Variants in MARCHF11 observed in about 807,000 individuals in gnomAD.
MARCHF11 encodes the protein E3 ubiquitin-protein ligase MARCHF11.
Under a neutral mutation model 37.3 loss-of-function variants are expected in MARCHF11, and 29 were observed. The observed-to-expected ratio is 0.78, with a 90% confidence interval of 0.58 to 1.06. The LOEUF (loss-of-function observed/expected upper bound fraction) is 1.06. MARCHF11 is among the 50% of genes least tolerant of loss of function. The probability of loss-of-function intolerance (pLI) is 0.00; values close to 1 mark genes in which losing one functional copy is unlikely to be tolerated. For missense variants in MARCHF11, 482 were observed against 533.4 expected (o/e 0.90, Z 0.95); for synonymous variants, 233 against 228.0 (o/e 1.02, Z -0.20).
intron 2 of MARCHF11, among the ~76,000 whole-genome samples, chr5:16,115,017 G>A (rs1174402569): frequency 2.0e-5 from 3 of 152,010 alleles, no homozygotes; most frequent in Non-Finnish European, 4.4e-5. Flanking sequence ...GTGTCAGGCT[G>A]CTACGATTAT....
At chr5:16,170,867 C>G in intron 2 of MARCHF11, among the ~76,000 whole-genome samples, 1 of 152,096 alleles carries the variant, frequency 6.6e-6, no homozygotes, top group East Asian at 1.9e-4. Flanking sequence ...TACTGCACTG[C>G]AGACAGCCTG....
chr5:16,137,053 A>T (rs1447707855), intron 2 of MARCHF11, among the ~76,000 whole-genome samples: 1 of 152,232 alleles, frequency 6.6e-6, no homozygotes, highest in Non-Finnish European at 1.5e-5. Flanking sequence ...AACAAATAAC[A>T]TAAAATATGG....
chr5:16,156,244 T>C (rs761969960), intron 2 of MARCHF11, among the ~76,000 whole-genome samples: 2 of 151,952 alleles, frequency 1.3e-5, no homozygotes, highest in Non-Finnish European at 2.9e-5. Flanking sequence ...GAAATTCCAC[T>C]GTTAGACTCT....
intron 2 of MARCHF11, among the ~76,000 whole-genome samples, chr5:16,167,080 A>G (rs1043103606): frequency 1.4e-4 from 21 of 150,306 alleles, no homozygotes; most frequent in African/African-American, 5.3e-4. Context: ...TACTGAATGC[A>G]TATCACTTTC....
At chr5:16,098,383 T>A (rs776536821) in intron 2 of MARCHF11, among the ~76,000 whole-genome samples, 2 of 152,202 alleles carry the variant, frequency 1.3e-5, no homozygotes, top group Non-Finnish European at 2.9e-5. Context: ...GTCTCTCTTT[T>A]TAGATAGCAT....
chr5:16,095,482 A>AGGGAGGG (rs1736852763), intron 2 of MARCHF11, among the ~76,000 whole-genome samples: 1 of 126,752 alleles, frequency 7.9e-6, no homozygotes, highest in East Asian at 2.8e-4. Flanking sequence ...GGAAGGAAGG[A>AGGGAGGG]AGGGAGGGAG....
chr5:16,109,516 T>C (rs1217280776), intron 2 of MARCHF11, among the ~76,000 whole-genome samples: 6 of 152,216 alleles, frequency 3.9e-5, no homozygotes, highest in African/African-American at 1.2e-4. Context: ...CTCTGTGTGC[T>C]CCTCACATCC....
At chr5:16,090,835 G>A (rs1267060311) in intron 3 of MARCHF11, 54 bp downstream of exon 3, 10 of 1,320,490 alleles carry the variant, frequency 7.6e-6, no homozygotes, top group Admixed American at 7.6e-5. Context: ...AAACGTAATC[G>A]CTGAAAGAAA....
chr5:16,155,291 C>T (rs1369512394), intron 2 of MARCHF11, among the ~76,000 whole-genome samples: 1 of 151,686 alleles, frequency 6.6e-6, no homozygotes, highest in Non-Finnish European at 1.5e-5. Context: ...TTTCAAACCT[C>T]TTAGAAGGTC....
At chr5:16,136,612 T>C (rs919110469) in intron 2 of MARCHF11, among the ~76,000 whole-genome samples, 1 of 152,160 alleles carries the variant, frequency 6.6e-6, no homozygotes, top group African/African-American at 2.4e-5. Flanking sequence ...CTATGACAAA[T>C]GTAGAAATGG....
intron 2 of MARCHF11, among the ~76,000 whole-genome samples, chr5:16,119,015 T>C (rs775266338): frequency 1.4e-4 from 22 of 152,156 alleles, no homozygotes; most frequent in Non-Finnish European, 2.9e-4. Context: ...AGAGGCTACA[T>C]AACTCTATGT....
chr5:16,121,510 T>G (rs541462921), intron 2 of MARCHF11, among the ~76,000 whole-genome samples: 1 of 152,136 alleles, frequency 6.6e-6, no homozygotes, highest in Non-Finnish European at 1.5e-5. Flanking sequence ...ATAACTACTA[T>G]AGAGAGATTT....
At chr5:16,132,076 G>C (rs958256607) in intron 2 of MARCHF11, among the ~76,000 whole-genome samples, 2 of 152,246 alleles carry the variant, frequency 1.3e-5, no homozygotes, top group African/African-American at 2.4e-5. Flanking sequence ...AGGGCTCAGA[G>C]CATCTACCAA....
chr5:16,096,899 G>A (rs10038404), intron 2 of MARCHF11, among the ~76,000 whole-genome samples: 3,260 of 152,290 alleles, frequency 0.021, 115 homozygotes, highest in African/African-American at 0.074. Context: ...TAGCACATGC[G>A]CAGAGGGAAT....
rs117105351 is a variant in MARCHF11 at position 16,128,909 on chromosome 5, G to A, written c.694-37828C>T. ...AATTCATAAACCATCAATTGTAGAC[G>A]AATATTTAAGCCTTAGACATTTACT... On this transcript the variant is annotated intron_variant, in intron 2 of 3. Coordinates refer to ENST00000332432, the MANE Select transcript of MARCHF11 (RefSeq NM_001102562.3). Among the ~76,000 whole-genome samples the A allele has an allele frequency of 2.8e-3, 425 of 152,278 alleles. 4 individuals are homozygous for A. The East Asian group carries it at 0.041, about 15-fold the overall frequency.
At chr5:16,085,050 A>G (rs1484960752) in intron 3 of MARCHF11, among the ~76,000 whole-genome samples, 2 of 152,008 alleles carry the variant, frequency 1.3e-5, no homozygotes, top group African/African-American at 2.4e-5. Context: ...TTGTGCTTTG[A>G]GAAATAAAAT....
chr5:16,178,980 G>T lies in MARCHF11; in HGVS notation c.537+59C>A, dbSNP rs1738412929. On this transcript the variant is annotated intron_variant, in intron 1 of 3. Transcript: ENST00000332432. ...GCGTGCGCTGTCCGTGGTGCTGAAA[G>T]CTTGACCGGCGCGAGCTGGAGCCGC... 2.9e-6 allele frequency: 4 copies of T among 1,366,372 alleles called. No individual in the cohort carries two copies. The African/African-American group carries it at 4.5e-5, about 16-fold the overall frequency. 84.6% of individuals were successfully genotyped at this position (1,366,372 alleles called of 1,614,324 possible). A position where few individuals can be genotyped will look rare whatever the true frequency, so the allele number is the denominator to read the frequency against.
intron 2 of MARCHF11, among the ~76,000 whole-genome samples, chr5:16,134,928 A>G (rs1027924826): frequency 6.6e-6 from 1 of 152,038 alleles, no homozygotes; most frequent in Admixed American, 6.6e-5. Flanking sequence ...CTAGAAGGAA[A>G]CACAAAATCA....
chr5:16,159,897 C>G (rs1738042512), intron 2 of MARCHF11, among the ~76,000 whole-genome samples: 1 of 151,874 alleles, frequency 6.6e-6, no homozygotes, highest in Non-Finnish European at 1.5e-5. Flanking sequence ...TAAAATAATC[C>G]TTGGTAATTA....
Sources: gnomAD v4.1 joint callset for allele counts (sites outside exome capture counted in the v4.1 genomes callset) on GRCh38, gnomAD v4.1.1 for gene constraint, MANE v1.5 for transcripts, NCBI Gene and HGNC (gene_info 2026-07-23, HGNC 2026-07-21) for gene names.